Variants in GLCE observed in about 807,000 individuals in gnomAD.
GLCE encodes the protein glucuronic acid epimerase, also known as D-glucuronyl C5-epimerase.
In GLCE, 19 loss-of-function variants were observed where a neutral mutation model predicts 47.9. The observed-to-expected ratio is 0.40, with a 90% CI of 0.28 to 0.58. The LOEUF (loss-of-function observed/expected upper bound fraction) is 0.58. GLCE is among the 20% of genes least tolerant of loss of function. The pLI, the probability that GLCE is intolerant of heterozygous loss-of-function variation, is 0.48. For missense variants in GLCE, 556 were observed against 743.3 expected (o/e 0.75, Z 2.93); for synonymous variants, 245 against 263.4 (o/e 0.93, Z 0.68).
In GLCE at chr15:69,256,258, G is replaced by A. The variant is rs191210600; in HGVS notation, c.452G>A (p.Arg151Gln). The change falls in exon 3 of 5, where the codon CGG (arginine) becomes CAG (glutamine). Residue 151 changes from arginine to glutamine, a missense_variant. Around this residue, in one of 3 missense-constraint regions of GLCE, gnomAD observed 237 missense variants for 310.9 expected, o/e 0.76. Transcript: ENST00000261858. ...GTGGTTCAGTATGATGGCTATGATC[G>A]GTTTGAATTCTCTCATAGCTATTCC... is the stretch of plus-strand genomic sequence containing the variant. ...GKVVQYDGYD[R>Q]FEFSHSYSKV... is the part of the protein sequence containing the mutation. The A allele has an allele frequency of 9.5e-5, 153 of 1,613,912 alleles. No individual in the cohort carries two copies. In the East Asian group the frequency reaches 1.4e-3, roughly 15 times the overall value.
chr15:69,161,695 T>C (rs1461931885), intron 1 of GLCE, among the ~76,000 whole-genome samples: 2 of 152,222 alleles, frequency 1.3e-5, no homozygotes, highest in Non-Finnish European at 2.9e-5. Flanking sequence ...ATCGGTGTTG[T>C]TGCCTAGTTG....
At chr15:69,253,442 A>G (rs2140436101) in intron 2 of GLCE, among the ~76,000 whole-genome samples, 1 of 152,338 alleles carries the variant, frequency 6.6e-6, no homozygotes, top group African/African-American at 2.4e-5. Context: ...AAAATAACAC[A>G]GGAAATCTAT....
At chr15:69,238,054 A>G (rs2052616485) in intron 2 of GLCE, among the ~76,000 whole-genome samples, 1 of 152,242 alleles carries the variant, frequency 6.6e-6, no homozygotes, top group South Asian at 2.1e-4. Flanking sequence ...GCTTTTCTGG[A>G]TACAAAGCAT....
At chr15:69,168,033 C>T (rs1427367626) in intron 1 of GLCE, among the ~76,000 whole-genome samples, 1 of 152,066 alleles carries the variant, frequency 6.6e-6, no homozygotes, top group Non-Finnish European at 1.5e-5. Context: ...GACAATATCT[C>T]TTCCACACAT....
chr15:69,182,120 G>A (rs1219822439), intron 1 of GLCE, among the ~76,000 whole-genome samples: 2 of 151,482 alleles, frequency 1.3e-5, no homozygotes, highest in African/African-American at 4.9e-5. Flanking sequence ...GAAGATTGAG[G>A]AGCAAAAAGT....
At chr15:69,200,832 T>C (rs72754388) in intron 1 of GLCE, among the ~76,000 whole-genome samples, 38 of 152,214 alleles carry the variant, frequency 2.5e-4, no homozygotes, top group East Asian at 2.3e-3. Context: ...CCAGGTCTCA[T>C]TGGGTTAAAA....
chr15:69,195,409 T>C (rs766815445), intron 1 of GLCE, among the ~76,000 whole-genome samples: 1 of 152,074 alleles, frequency 6.6e-6, no homozygotes, highest in African/African-American at 2.4e-5. Flanking sequence ...ACAAGTTACC[T>C]ATGAAAGAAT....
intron 2 of GLCE, among the ~76,000 whole-genome samples, chr15:69,232,134 G>A (rs1447467602): frequency 6.6e-6 from 1 of 152,156 alleles, no homozygotes; most frequent in Non-Finnish European, 1.5e-5. Flanking sequence ...GTAGGCTATT[G>A]TCTGAGTAAT....
intron 2 of GLCE, among the ~76,000 whole-genome samples, chr15:69,233,951 A>G (rs909927545): frequency 3.3e-5 from 5 of 152,000 alleles, no homozygotes; most frequent in African/African-American, 7.2e-5. Context: ...TGTGATGCAC[A>G]TATACATACA....
chr15:69,205,241 G>A (rs1339162295), intron 1 of GLCE, among the ~76,000 whole-genome samples: 1 of 151,782 alleles, frequency 6.6e-6, no homozygotes, highest in Non-Finnish European at 1.5e-5. Flanking sequence ...GAATAATAGA[G>A]CATGAAGCCA....
chr15:69,213,422 A>G (rs1053327136), intron 2 of GLCE, among the ~76,000 whole-genome samples: 1 of 152,100 alleles, frequency 6.6e-6, no homozygotes, highest in Non-Finnish European at 1.5e-5. Context: ...TTTTTGTAGA[A>G]TGTCATTCAA....
intron 1 of GLCE, among the ~76,000 whole-genome samples, chr15:69,202,006 A>G (rs1228113678): frequency 6.6e-6 from 1 of 151,896 alleles, no homozygotes; most frequent in African/African-American, 2.4e-5. Flanking sequence ...TGTAGCCTTG[A>G]CCTCCTCAGC....
At chr15:69,245,332 C>CAA (rs34544477) in intron 2 of GLCE, among the ~76,000 whole-genome samples, 41 of 79,094 alleles carry the variant, frequency 5.2e-4, no homozygotes, top group African/African-American at 6.2e-4. Flanking sequence ...GACTCTGTCT[C>CAA]AAAAAAAAAA....
intron 2 of GLCE, among the ~76,000 whole-genome samples, chr15:69,229,455 A>G (rs2052491024): frequency 6.6e-6 from 1 of 152,212 alleles, no homozygotes; most frequent in Admixed American, 6.5e-5. Flanking sequence ...AAATTATATC[A>G]GATGGAAATT....
At chr15:69,247,312 G>T (rs1304826524) in intron 2 of GLCE, among the ~76,000 whole-genome samples, 4 of 152,194 alleles carry the variant, frequency 2.6e-5, no homozygotes, top group Non-Finnish European at 4.4e-5. Context: ...TGATAAACCA[G>T]CCTCTGCTAG....
At chr15:69,225,102 TATA>T (rs968077958) in intron 2 of GLCE, among the ~76,000 whole-genome samples, 7 of 152,358 alleles carry the variant, frequency 4.6e-5, no homozygotes, top group African/African-American at 1.7e-4. Flanking sequence ...CCCATAGTGA[TATA>T]ATATGTCTAA....
chr15:69,167,635 GC>G (rs1191643151), intron 1 of GLCE, among the ~76,000 whole-genome samples: 1 of 152,134 alleles, frequency 6.6e-6, no homozygotes, highest in African/African-American at 2.4e-5. Flanking sequence ...GGAGCGGAAG[GC>G]AGTTTATATC....
chr15:69,199,140 A>G (rs2052040126), intron 1 of GLCE, among the ~76,000 whole-genome samples: 1 of 152,156 alleles, frequency 6.6e-6, no homozygotes, highest in Non-Finnish European at 1.5e-5. Context: ...GATTATTTCA[A>G]CTGTTTCTTG....
Position 69,271,564 on chromosome 15 carries a change from C to T in GLCE, c.*2320C>T, listed in dbSNP as rs2053167308. 6.6e-6 allele frequency: 1 copy of T among 152,584 alleles called. No individual in the cohort carries two copies. Among genetic ancestry groups the T allele is most frequent in the African/African-American group, 2.4e-5 (1 of 41,442 alleles). The allele number at this position is 152,584 out of a possible 1,614,324, so 9.5% of individuals were successfully genotyped here. ...GGTTTTAAATTATGTAAAATGTTTA[C>T]TTATTCTGAGCTTAGAGAGAATGGG... On this transcript the variant is annotated 3_prime_UTR_variant, in exon 5 of 5. Coordinates refer to ENST00000261858, the MANE Select transcript of GLCE (RefSeq NM_015554.3).
Sources: gnomAD v4.1 joint callset for allele counts (sites outside exome capture counted in the v4.1 genomes callset) on GRCh38, gnomAD v4.1.1 for gene constraint, gnomAD v4.1.1 regional missense constraint, MANE v1.5 for transcripts, NCBI Gene and HGNC (gene_info 2026-07-23, HGNC 2026-07-21) for gene names.